The following SPATS2 variants were observed in gnomAD, a reference collection of about 807,000 sequenced individuals.
SPATS2 encodes the protein spermatogenesis-associated serine-rich protein 2.
A neutral mutation model predicts 63.7 loss-of-function variants in SPATS2; 38 were observed. The observed-to-expected ratio is 0.60, with a 90% confidence interval of 0.46 to 0.78. The LOEUF is 0.78. Ranked by LOEUF, SPATS2 falls within the 30% of genes least tolerant of loss-of-function variation. SPATS2 has a pLI of 0.00. For missense variants in SPATS2, 588 were observed against 666.2 expected, an observed-to-expected ratio of 0.88 and a Z score of 1.29; for synonymous variants, 207 against 232.9, an observed-to-expected ratio of 0.89 and a Z score of 1.01.
chr12:49,396,237 G>C (rs1944508622), intron 2 of SPATS2, among the ~76,000 whole-genome samples: 1 of 152,150 alleles, frequency 6.6e-6, no homozygotes, highest in African/African-American at 2.4e-5. Flanking sequence ...CCTGATTTCA[G>C]TTCTTTTGGA....
intron 9 of SPATS2, among the ~76,000 whole-genome samples, chr12:49,509,744 G>C (rs564680053): frequency 6.6e-6 from 1 of 150,964 alleles, no homozygotes; most frequent in East Asian, 2.0e-4. Flanking sequence ...TTGAACCCTG[G>C]AGGTAGACGT....
rs796415503 is a variant in SPATS2 at position 49,526,799 on chromosome 12, T to C, written c.*544T>C. 6.5e-6 allele frequency: 1 copy of C among 153,522 alleles called. No homozygotes were observed. Among genetic ancestry groups the C allele is most frequent in the Admixed American group, 6.5e-5 (1 of 15,438 alleles). The allele number at this position is 153,522 out of a possible 1,614,324, so 9.5% of individuals were successfully genotyped here. Reference sequence around the variant, plus strand: ...ATGTGCTGGAGATTTGACACTCAAATCAGTGTTTAGTCTTCTGCTTGGCAC... The same window carrying C: ...ATGTGCTGGAGATTTGACACTCAAACCAGTGTTTAGTCTTCTGCTTGGCAC... On this transcript the variant is annotated 3_prime_UTR_variant, in exon 14 of 14. Transcript: ENST00000552918.
intron 2 of SPATS2, among the ~76,000 whole-genome samples, chr12:49,373,546 CT>C (rs1373249695): frequency 9.2e-5 from 14 of 152,170 alleles, no homozygotes; most frequent in Non-Finnish European, 1.8e-4. Flanking sequence ...AGTCCTAGCA[CT>C]TTGAGAGTCC....
chr12:49,368,010 G>A (rs1395205932), intron 1 of SPATS2, among the ~76,000 whole-genome samples: 1 of 152,182 alleles, frequency 6.6e-6, no homozygotes, highest in East Asian at 1.9e-4. Context: ...GCATTCGGGG[G>A]CAATAATGAG....
chr12:49,388,989 C>G (rs899117220), intron 2 of SPATS2, among the ~76,000 whole-genome samples: 2 of 152,090 alleles, frequency 1.3e-5, no homozygotes, highest in Non-Finnish European at 2.9e-5. Flanking sequence ...CCATGGTGAC[C>G]ACACTTCTTA....
At chr12:49,369,922 C>T (rs776793024) in intron 1 of SPATS2, among the ~76,000 whole-genome samples, 1 of 152,160 alleles carries the variant, frequency 6.6e-6, no homozygotes, top group Non-Finnish European at 1.5e-5. Context: ...ACAATTGGTA[C>T]TAGCATTACC....
At chr12:49,489,722 C>CT (rs1946352981) in intron 5 of SPATS2, 149 bp downstream of exon 5, 1 of 619,204 alleles carries the variant, frequency 1.6e-6, no homozygotes, top group African/African-American at 1.8e-5. Flanking sequence ...GACGATACCT[C>CT]TTTCAGCTGA....
At chr12:49,460,558 G>C (rs1320350572) in intron 2 of SPATS2, among the ~76,000 whole-genome samples, 1 of 152,138 alleles carries the variant, frequency 6.6e-6, no homozygotes, top group Non-Finnish European at 1.5e-5. Flanking sequence ...AAGACTAAGA[G>C]AACATACTTT....
intron 2 of SPATS2, among the ~76,000 whole-genome samples, chr12:49,440,047 A>C (rs942782386): frequency 1.3e-5 from 2 of 152,242 alleles, no homozygotes; most frequent in Non-Finnish European, 2.9e-5. Flanking sequence ...GAATAATACA[A>C]AGAACTCTCT....
chr12:49,487,351 C>T (rs1428320875), intron 4 of SPATS2, among the ~76,000 whole-genome samples: 1 of 152,046 alleles, frequency 6.6e-6, no homozygotes, highest in African/African-American at 2.4e-5. Context: ...ATTAGCCAGG[C>T]ATGGTGGTGC....
intron 2 of SPATS2, among the ~76,000 whole-genome samples, chr12:49,384,663 T>C (rs564214557): frequency 1.6e-4 from 25 of 152,350 alleles, no homozygotes; most frequent in African/African-American, 5.5e-4. Context: ...TAATGTGTTG[T>C]AAATGTATGT....
At position 49,526,050 on chromosome 12, in the gene SPATS2, A is replaced by G; in HGVS notation, c.1433A>G (p.Asn478Ser). 6.2e-7 allele frequency: 1 copy of G among 1,614,254 alleles called. No homozygotes were observed. Among genetic ancestry groups the G allele is most frequent in the Non-Finnish European group, 8.5e-7 (1 of 1,180,048 alleles). Residue 478 changes from asparagine to serine, a missense_variant, in exon 14 of 14, where the codon AAC (asparagine) becomes AGC (serine). Physicochemically the swap from Asn to Ser is conservative, Grantham distance 46 (BLOSUM62 1). Coordinates refer to ENST00000552918, the MANE Select transcript of SPATS2 (RefSeq NM_023071.4). ...GRHDSMGRYR[N>S]SSWYSSGSRY... ...CATGACAGTATGGGTCGTTACAGAA[A>G]CAGCTCGTGGTATTCATCTGGTTCC...
At chr12:49,464,552 G>A (rs538555121) in intron 3 of SPATS2, among the ~76,000 whole-genome samples, 3 of 151,402 alleles carry the variant, frequency 2.0e-5, no homozygotes, top group South Asian at 2.1e-4. Context: ...GCTTGAACCC[G>A]GGAGGTGGAG....
chr12:49,482,081 A>T (rs1277166792), intron 3 of SPATS2, among the ~76,000 whole-genome samples: 1 of 152,242 alleles, frequency 6.6e-6, no homozygotes, highest in Non-Finnish European at 1.5e-5. Flanking sequence ...TAAGGTTTTG[A>T]ATCTACTTGA....
chr12:49,434,076 A>G (rs769065554), intron 2 of SPATS2, among the ~76,000 whole-genome samples: 21 of 152,098 alleles, frequency 1.4e-4, no homozygotes, highest in Non-Finnish European at 2.5e-4. Context: ...TTTGTTGAAG[A>G]TCTTTTGACC....
intron 3 of SPATS2, among the ~76,000 whole-genome samples, chr12:49,461,936 G>GT (rs897646233): frequency 2.0e-5 from 3 of 151,988 alleles, no homozygotes; most frequent in Non-Finnish European, 2.9e-5. Context: ...CAACGGAAAA[G>GT]TTTTTTTTAA....
chr12:49,459,675 G>C (rs1236475395), intron 2 of SPATS2, among the ~76,000 whole-genome samples: 1 of 140,854 alleles, frequency 7.1e-6, no homozygotes, highest in Non-Finnish European at 1.5e-5. Context: ...TCTCACGTTT[G>C]CTGTTCTTCG....
At chr12:49,440,338 C>T (rs1021941741) in intron 2 of SPATS2, among the ~76,000 whole-genome samples, 95 of 152,264 alleles carry the variant, frequency 6.2e-4, no homozygotes, top group African/African-American at 2.2e-3. Context: ...TTGTCCCATT[C>T]ATGTCCCTTA....
At chr12:49,519,731 G>A (rs2138076124) in intron 11 of SPATS2, among the ~76,000 whole-genome samples, 1 of 152,068 alleles carries the variant, frequency 6.6e-6, no homozygotes, top group South Asian at 2.1e-4. Flanking sequence ...AGCAGAGGCT[G>A]GAGGCTTCTA....
Sources: allele counts gnomAD v4.1 joint callset (sites outside exome capture counted in the v4.1 genomes callset), GRCh38; gene constraint gnomAD v4.1.1; transcripts MANE v1.5; gene names NCBI Gene and HGNC (gene_info 2026-07-23, HGNC 2026-07-21).